KCTD1: variants seen among roughly 807,000 people sequenced by gnomAD.
KCTD1 encodes the protein BTB/POZ domain-containing protein KCTD1.
A neutral mutation model predicts 66.0 loss-of-function variants in KCTD1; 24 were observed. The ratio of observed to expected loss-of-function variants is 0.36; its 90% CI spans 0.26 to 0.51. The LOEUF (loss-of-function observed/expected upper bound fraction) is 0.51. KCTD1 is among the 20% of genes least tolerant of loss of function. The pLI, the probability that KCTD1 is intolerant of heterozygous loss-of-function variation, is 0.95. For synonymous variants in KCTD1, 511 were observed against 517.2 expected, an observed-to-expected ratio of 0.99 and a Z score of 0.16; for missense variants, 943 against 1,205.2, an observed-to-expected ratio of 0.78 and a Z score of 3.22.
intron 3 of KCTD1, among the ~76,000 whole-genome samples, chr18:26,462,179 T>C (rs1980469403): frequency 6.6e-6 from 1 of 152,240 alleles, no homozygotes; most frequent in African/African-American, 2.4e-5. Context: ...AACATAATGT[T>C]GCTCCAATTC....
chr18:26,501,097 T>A lies in KCTD1; in HGVS notation c.1963A>T (p.Thr655Ser). ...GGHMYTSSLA[T>S]LTKYPESRIG... Reference sequence around the variant, plus strand: ...CTGGATTCAGGGTATTTGGTGAGGGTGGCCAGGCTGCTGGTGTACATGTGG... The same window carrying A: ...CTGGATTCAGGGTATTTGGTGAGGGAGGCCAGGCTGCTGGTGTACATGTGG... Residue 655 changes from threonine (T) to serine (S), a missense_variant, in exon 2 of 5, where the codon ACC becomes TCC. Coordinates refer to ENST00000580059, the MANE Select transcript of KCTD1 (RefSeq NM_001142730.3). The A allele has an allele frequency of 1.9e-6, 3 of 1,613,798 alleles. No homozygotes were observed. The highest frequency in any genetic ancestry group is 2.5e-6 in the Non-Finnish European group (3 of 1,179,816).
chr18:26,496,433 A>G (rs961764695), intron 2 of KCTD1, among the ~76,000 whole-genome samples: 2 of 152,204 alleles, frequency 1.3e-5, no homozygotes, highest in African/African-American at 2.4e-5. Context: ...AATGGCAGTC[A>G]GAACTGGAGA....
chr18:26,526,400 C>T (rs1009049027), intron 1 of KCTD1, among the ~76,000 whole-genome samples: 5 of 152,162 alleles, frequency 3.3e-5, no homozygotes, highest in South Asian at 2.1e-4. Context: ...TAGAGGACCT[C>T]GTGCCCCTGC....
chr18:26,459,453 A>G, intron 4 of KCTD1, 167 bp downstream of exon 4: 2 of 638,674 alleles, frequency 3.1e-6, no homozygotes, highest in Non-Finnish European at 5.2e-6. Flanking sequence ...CACAATCACA[A>G]GACTTACGGA....
chr18:26,650,723 A>G (rs1305522328), intron 1 of KCTD1, among the ~76,000 whole-genome samples: 1 of 152,222 alleles, frequency 6.6e-6, no homozygotes, highest in Non-Finnish European at 1.5e-5. Context: ...CTCACATAGA[A>G]AGTCTGGGTC....
chr18:26,587,773 A>C (rs1452639324), intron 1 of KCTD1, among the ~76,000 whole-genome samples: 1 of 152,228 alleles, frequency 6.6e-6, no homozygotes, highest in East Asian at 1.9e-4. Flanking sequence ...TGTAGTGGAA[A>C]TAGCAAGAGA....
intron 1 of KCTD1, among the ~76,000 whole-genome samples, chr18:26,522,519 T>C (rs1476841343): frequency 6.6e-6 from 1 of 152,204 alleles, no homozygotes; most frequent in African/African-American, 2.4e-5. Context: ...ACCACTCAGT[T>C]TGTAGTACTT....
intron 3 of KCTD1, among the ~76,000 whole-genome samples, chr18:26,467,552 A>G (rs889237233): frequency 6.6e-6 from 1 of 152,026 alleles, no homozygotes; most frequent in Non-Finnish European, 1.5e-5. Flanking sequence ...ACAATGGCTC[A>G]TGCCTGTTAT....
At position 26,476,441 on chromosome 18, in the gene KCTD1, C is replaced by T. The variant is rs1043943198; in HGVS notation, c.2133+74G>A. On this transcript the variant is annotated intron_variant, in intron 3 of 4. Coordinates refer to ENST00000580059, the MANE Select transcript of KCTD1 (RefSeq NM_001142730.3). The surrounding 1 kb of genome is among the most constrained non-coding windows in gnomAD (Gnocchi z 4.9). ...GTTGGTGTATGTTAATAATGTAGAA[C>T]TAGAAATATTTTTTTGGAGCACATA... The T allele has an allele frequency of 7.1e-7, 1 of 1,410,802 alleles. No homozygotes were observed. Among genetic ancestry groups the T allele is most frequent in the Non-Finnish European group, 9.6e-7 (1 of 1,036,312 alleles). 87.4% of individuals were successfully genotyped at this position (1,410,802 alleles called of 1,614,324 possible).
At chr18:26,622,017 G>C (rs970453979) in intron 1 of KCTD1, among the ~76,000 whole-genome samples, 1 of 152,292 alleles carries the variant, frequency 6.6e-6, no homozygotes, top group African/African-American at 2.4e-5. Flanking sequence ...ATGGATTCTA[G>C]TCCAGGTTTT....
intron 1 of KCTD1, among the ~76,000 whole-genome samples, chr18:26,582,298 A>G (rs1986373553): frequency 6.6e-6 from 1 of 152,032 alleles, no homozygotes; most frequent in Admixed American, 6.6e-5. Flanking sequence ...TCAGCAAATA[A>G]TAACAGGCAA....
chr18:26,563,482 T>C (rs1985909872), intron 1 of KCTD1, among the ~76,000 whole-genome samples: 1 of 152,242 alleles, frequency 6.6e-6, no homozygotes, highest in Non-Finnish European at 1.5e-5. Context: ...CCCTTGGCCA[T>C]ACTCTTCGTC....
intron 2 of KCTD1, among the ~76,000 whole-genome samples, chr18:26,490,521 T>C (rs1732295890): frequency 1.3e-5 from 2 of 152,178 alleles, no homozygotes; most frequent in African/African-American, 4.8e-5. Flanking sequence ...TTGCTGCCCA[T>C]ATTAAACTAG....
At chr18:26,572,965 A>G (rs776293665) in intron 1 of KCTD1, among the ~76,000 whole-genome samples, 2 of 152,108 alleles carry the variant, frequency 1.3e-5, no homozygotes, top group African/African-American at 4.8e-5. Flanking sequence ...TTTCTGAGAT[A>G]CAGACCATGT....
chr18:26,500,561 G>C (rs768869770), intron 2 of KCTD1, among the ~76,000 whole-genome samples: 2 of 152,040 alleles, frequency 1.3e-5, no homozygotes, highest in African/African-American at 4.8e-5. Flanking sequence ...CCTTAAGTTC[G>C]TAAGTTCCAT....
intron 1 of KCTD1, among the ~76,000 whole-genome samples, chr18:26,635,517 G>T (rs1383623857): frequency 6.6e-6 from 1 of 152,178 alleles, no homozygotes; most frequent in South Asian, 2.1e-4. Flanking sequence ...AATGGCAGCC[G>T]CAGGAGCCTT....
chr18:26,460,425 G>T (rs1445092172), intron 3 of KCTD1, among the ~76,000 whole-genome samples: 2 of 152,214 alleles, frequency 1.3e-5, no homozygotes, highest in Non-Finnish European at 2.9e-5. Flanking sequence ...GAAGCTCCCG[G>T]TCACCTTTGG....
intron 1 of KCTD1, among the ~76,000 whole-genome samples, chr18:26,593,874 GA>G (rs1263206372): frequency 7.9e-6 from 1 of 127,330 alleles, no homozygotes; most frequent in African/African-American, 2.9e-5. Context: ...CAAGGAGGAA[GA>G]GGAAGATAAG....
chr18:26,602,729 G>A (rs577992425), intron 1 of KCTD1, among the ~76,000 whole-genome samples: 1 of 152,118 alleles, frequency 6.6e-6, no homozygotes, highest in East Asian at 1.9e-4. Context: ...CTTCCTCCTG[G>A]GTTAATAACA....
Sources: gnomAD v4.1 joint callset for allele counts (sites outside exome capture counted in the v4.1 genomes callset) on GRCh38, gnomAD v4.1.1 for gene constraint, Gnocchi (gnomAD v3.1) non-coding constraint, MANE v1.5 for transcripts, NCBI Gene and HGNC (gene_info 2026-07-23, HGNC 2026-07-21) for gene names.